The following WWOX variants were observed in gnomAD, a reference collection of about 807,000 sequenced individuals.
WWOX encodes the protein WW domain containing oxidoreductase.
In WWOX, 69 loss-of-function variants were observed where a neutral mutation model predicts 46.2. The ratio of observed to expected loss-of-function variants is 1.49; its 90% CI spans 1.23 to 1.82. WWOX has a LOEUF of 1.82. Ranked by LOEUF, WWOX falls within the 40% of genes most tolerant of loss-of-function variation. The probability of loss-of-function intolerance (pLI) is 0.00; values close to 1 mark genes in which losing one functional copy is unlikely to be tolerated. For synonymous variants in WWOX, 359 were observed against 202.6 expected (o/e 1.77, Z -6.56); for missense variants, 919 against 542.6 (o/e 1.69, Z -6.89).
intron 5 of WWOX, among the ~76,000 whole-genome samples, chr16:78,274,448 G>A (rs1443940205): frequency 2.0e-5 from 3 of 152,056 alleles, no homozygotes; most frequent in African/African-American, 7.3e-5. Context: ...ATATCCCTCT[G>A]GCCCGAAATT....
chr16:78,540,712 G>A (rs1314212573), intron 8 of WWOX, among the ~76,000 whole-genome samples: 3 of 151,728 alleles, frequency 2.0e-5, no homozygotes, highest in Non-Finnish European at 2.9e-5. Flanking sequence ...AAAAAAATGG[G>A]GTCTCATTCT....
At chr16:78,158,171 G>A (rs1164008725) in intron 4 of WWOX, among the ~76,000 whole-genome samples, 3 of 152,206 alleles carry the variant, frequency 2.0e-5, no homozygotes, top group Non-Finnish European at 4.4e-5. Context: ...AGGCCTGTGG[G>A]AGTGATATGA....
intron 6 of WWOX, among the ~76,000 whole-genome samples, chr16:78,424,097 C>CTTTTTTTTTTTTTTTTTTTTTTTTTTTT (rs1567564550): frequency 8.1e-6 from 1 of 122,980 alleles, no homozygotes; most frequent in Non-Finnish European, 1.7e-5. Flanking sequence ...TTTTTCTTTT[C>CTTTTTTTTTTTTTTTTTTTTTTTTTTTT]TTTTCTTTTC....
In WWOX at chr16:78,835,261, G is replaced by C. The variant is rs888860325; in HGVS notation, c.1057-376347G>C. 2.0e-5 allele frequency among the ~76,000 whole-genome samples: 3 copies of C among 152,162 alleles called. No homozygotes were observed. In the East Asian group the frequency reaches 5.8e-4, roughly 29 times the overall value. ...TTCTAGTAAAATTTATTCACCTTCC[G>C]AGATTATTTACTATTTTAGTCTGTA... On this transcript the variant is annotated intron_variant, in intron 8 of 8. Coordinates refer to ENST00000566780, the MANE Select transcript of WWOX (RefSeq NM_016373.4).
chr16:78,498,676 G>T (rs2859637), intron 8 of WWOX, among the ~76,000 whole-genome samples: 13 of 152,170 alleles, frequency 8.5e-5, no homozygotes, highest in Non-Finnish European at 1.9e-4. Context: ...CATTTACTTA[G>T]GCCGATTCCC....
At chr16:78,447,667 A>G (rs1239717066) in intron 8 of WWOX, among the ~76,000 whole-genome samples, 1 of 152,266 alleles carries the variant, frequency 6.6e-6, no homozygotes, top group African/African-American at 2.4e-5. Flanking sequence ...TCGAGAAAGA[A>G]TAAAGAAACC....
intron 8 of WWOX, among the ~76,000 whole-genome samples, chr16:79,075,212 T>C (rs2048632205): frequency 1.3e-5 from 2 of 152,222 alleles, no homozygotes; most frequent in South Asian, 4.1e-4. Flanking sequence ...CCCAGGTGGT[T>C]CTGCTCAGCC....
At chr16:78,298,530 A>T (rs2079980736) in intron 5 of WWOX, among the ~76,000 whole-genome samples, 2 of 152,092 alleles carry the variant, frequency 1.3e-5, no homozygotes, top group Non-Finnish European at 2.9e-5. Context: ...AGTGGCTCAC[A>T]CCTGTAATCC....
chr16:78,724,751 C>G (rs11865563), intron 8 of WWOX, among the ~76,000 whole-genome samples: 1 of 152,098 alleles, frequency 6.6e-6, no homozygotes, highest in Admixed American at 6.5e-5. Flanking sequence ...CTCCTGAACC[C>G]TGAAGGAGAC....
chr16:78,965,569 A>G (rs905529766), intron 8 of WWOX, among the ~76,000 whole-genome samples: 20 of 91,914 alleles, frequency 2.2e-4, no homozygotes, highest in South Asian at 4.7e-4. Context: ...ACTCCATCTT[A>G]AAAAAAAAAA....
At chr16:78,640,031 G>A (rs192484604) in intron 8 of WWOX, among the ~76,000 whole-genome samples, 22 of 152,258 alleles carry the variant, frequency 1.4e-4, no homozygotes, top group Non-Finnish European at 2.8e-4. Context: ...CACACAGATA[G>A]GAAAGTGACA....
At chr16:78,162,009 G>A (rs1052425777) in intron 4 of WWOX, among the ~76,000 whole-genome samples, 2 of 151,968 alleles carry the variant, frequency 1.3e-5, no homozygotes, top group African/African-American at 2.4e-5. Context: ...TTAACATGTC[G>A]TTACCCTTTA....
chr16:78,598,177 A>T (rs1057425577), intron 8 of WWOX, among the ~76,000 whole-genome samples: 1 of 152,198 alleles, frequency 6.6e-6, no homozygotes. Context: ...ACTGATTTTC[A>T]AACATCATAT....
intron 8 of WWOX, among the ~76,000 whole-genome samples, chr16:79,059,779 G>A (rs902281709): frequency 5.9e-5 from 9 of 152,190 alleles, no homozygotes; most frequent in African/African-American, 2.2e-4. Context: ...TAAAAAAGTT[G>A]TTCTGCTAAT....
In WWOX at chr16:78,634,291, G is replaced by A. The variant is rs533680544; in HGVS notation, c.1056+201539G>A. Among the ~76,000 whole-genome samples, 35 of 152,302 alleles carry A rather than the reference G, an allele frequency of 2.3e-4. 1 individual carries two copies. In the East Asian group the frequency reaches 6.4e-3, roughly 28 times the overall value. On this transcript the variant is annotated intron_variant, in intron 8 of 8. Coordinates refer to ENST00000566780, the MANE Select transcript of WWOX (RefSeq NM_016373.4). ...TCTCATTATAAATGGATGCTGAAATGTCCAAGTGTGGAAATGATACGCTTC... is the reference window on the plus strand; with the variant it reads ...TCTCATTATAAATGGATGCTGAAATATCCAAGTGTGGAAATGATACGCTTC...
chr16:78,514,086 A>T (rs1434649533), intron 8 of WWOX, among the ~76,000 whole-genome samples: 1 of 152,220 alleles, frequency 6.6e-6, no homozygotes, highest in Non-Finnish European at 1.5e-5. Flanking sequence ...ACTCAAAATC[A>T]GCCAACCCCA....
chr16:79,186,808 G>A (rs1361642692), intron 8 of WWOX, among the ~76,000 whole-genome samples: 1 of 152,012 alleles, frequency 6.6e-6, no homozygotes, highest in Non-Finnish European at 1.5e-5. Context: ...GAAACTGGGG[G>A]TCAGGGAAGC....
intron 8 of WWOX, among the ~76,000 whole-genome samples, chr16:79,103,263 G>T (rs186287573): frequency 9.8e-5 from 15 of 152,286 alleles, no homozygotes; most frequent in Admixed American, 8.5e-4. Flanking sequence ...TTCTGAAGAG[G>T]CATCTATTAA....
At chr16:78,925,687 A>C (rs1013186823) in intron 8 of WWOX, among the ~76,000 whole-genome samples, 1 of 152,156 alleles carries the variant, frequency 6.6e-6, no homozygotes, top group Non-Finnish European at 1.5e-5. Context: ...TCTTTTGCCA[A>C]GATTTGAGAA....
Sources: gnomAD v4.1 joint callset for allele counts (sites outside exome capture counted in the v4.1 genomes callset) on GRCh38, gnomAD v4.1.1 for gene constraint, MANE v1.5 for transcripts, NCBI Gene and HGNC (gene_info 2026-07-23, HGNC 2026-07-21) for gene names.